The following PIBF1 variants were observed in gnomAD, a reference collection of about 807,000 sequenced individuals.
PIBF1 encodes the protein progesterone immunomodulatory binding factor 1.
A neutral mutation model predicts 112.5 loss-of-function variants in PIBF1; 90 were observed. The observed-to-expected ratio is 0.80, with a 90% CI of 0.67 to 0.95. PIBF1 has a LOEUF of 0.95. PIBF1 is among the 40% of genes least tolerant of loss of function. PIBF1 has a pLI of 0.00. For missense variants in PIBF1, 915 were observed against 852.3 expected, an observed-to-expected ratio of 1.07 and a Z score of -0.92; for synonymous variants, 301 against 288.6, an observed-to-expected ratio of 1.04 and a Z score of -0.44.
chr13:72,882,523 T>G (rs1467265394), intron 10 of PIBF1, among the ~76,000 whole-genome samples: 1 of 152,152 alleles, frequency 6.6e-6, no homozygotes, highest in Non-Finnish European at 1.5e-5. Flanking sequence ...GAGAAAAGAT[T>G]TGCGAACAAT....
At chr13:72,968,176 T>C (rs1190709006) in intron 15 of PIBF1, among the ~76,000 whole-genome samples, 1 of 151,862 alleles carries the variant, frequency 6.6e-6, no homozygotes, top group Non-Finnish European at 1.5e-5. Flanking sequence ...AGAGCCAGAC[T>C]CCGTCTCCAA....
intron 8 of PIBF1, among the ~76,000 whole-genome samples, chr13:72,831,514 C>T (rs11840575): frequency 0.31 from 47,459 of 151,992 alleles, 8,995 homozygotes; most frequent in African/African-American, 0.54. Context: ...GCCTTCATTT[C>T]GTTGTTTACC....
chr13:72,991,758 G>T (rs187558683), intron 16 of PIBF1, among the ~76,000 whole-genome samples: 1 of 148,708 alleles, frequency 6.7e-6, no homozygotes, highest in Non-Finnish European at 1.5e-5. Flanking sequence ...TCGCTCTGTC[G>T]CCCAGGCTGG....
intron 14 of PIBF1, among the ~76,000 whole-genome samples, chr13:72,944,052 A>G (rs1303310900): frequency 6.6e-6 from 1 of 152,222 alleles, no homozygotes; most frequent in Non-Finnish European, 1.5e-5. Flanking sequence ...CTTGCTGGCC[A>G]TAATATTAAT....
rs1274303197 is a variant in PIBF1, at chr13:72,811,730, A to C, written c.673-10119A>C. ...CATACACTATTACGTTACAACTTGG[A>C]CTTACTAAAATCCCTCTCTTGCCTA... is the stretch of plus-strand genomic sequence containing the variant. On this transcript the variant is annotated intron_variant, in intron 5 of 17. Transcript: ENST00000326291. Among the ~76,000 whole-genome samples the C allele has an allele frequency of 2.6e-5, 4 of 152,272 alleles. No homozygotes were observed. The East Asian group carries it at 7.7e-4, about 29-fold the overall frequency.
At chr13:72,880,386 C>T (rs2039575871) in intron 10 of PIBF1, among the ~76,000 whole-genome samples, 1 of 152,180 alleles carries the variant, frequency 6.6e-6, no homozygotes, top group African/African-American at 2.4e-5. Flanking sequence ...CATACAAAGT[C>T]ACCTGTTATT....
At chr13:72,792,612 C>A (rs978141217) in intron 3 of PIBF1, 65 bp downstream of exon 3, 4 of 800,012 alleles carry the variant, frequency 5.0e-6, no homozygotes, top group African/African-American at 3.6e-5. Flanking sequence ...ATTTTATTGC[C>A]TGTTCATGTT....
intron 9 of PIBF1, among the ~76,000 whole-genome samples, chr13:72,839,952 G>T (rs2037533096): frequency 6.6e-6 from 1 of 152,120 alleles, no homozygotes; most frequent in African/African-American, 2.4e-5. Flanking sequence ...TGGGATTGGG[G>T]CTGCCCTGTG....
chr13:72,823,745 G>A (rs1410182188), intron 6 of PIBF1, among the ~76,000 whole-genome samples: 2 of 152,142 alleles, frequency 1.3e-5, no homozygotes, highest in South Asian at 2.1e-4. Flanking sequence ...AGATCTGAAT[G>A]TATCACTTTT....
chr13:72,915,253 C>T (rs73218772), intron 12 of PIBF1, among the ~76,000 whole-genome samples: 4,399 of 152,168 alleles, frequency 0.029, 93 homozygotes, highest in Middle Eastern at 0.048. Flanking sequence ...CTCTCCTATT[C>T]CTTCACTGAA....
At chr13:72,867,999 C>A (rs1331598552) in intron 10 of PIBF1, among the ~76,000 whole-genome samples, 2 of 65,976 alleles carry the variant, frequency 3.0e-5, no homozygotes, top group African/African-American at 1.5e-4. Flanking sequence ...GGCAGATGCA[C>A]AAAATAATAA....
chr13:72,887,288 G>C (rs2039896316), intron 10 of PIBF1, among the ~76,000 whole-genome samples: 1 of 151,796 alleles, frequency 6.6e-6, no homozygotes, highest in African/African-American at 2.4e-5. Flanking sequence ...TTAATAACAT[G>C]AAAGGAAAGT....
At chr13:72,956,772 A>G (rs1304636923) in intron 14 of PIBF1, among the ~76,000 whole-genome samples, 2 of 152,198 alleles carry the variant, frequency 1.3e-5, no homozygotes, top group Non-Finnish European at 1.5e-5. Flanking sequence ...CATTAGACGA[A>G]GTCTAGAATC....
chr13:72,851,092 T>C (rs1056841928), intron 9 of PIBF1, among the ~76,000 whole-genome samples: 1 of 152,200 alleles, frequency 6.6e-6, no homozygotes, highest in African/African-American at 2.4e-5. Context: ...GAGCAGCTGT[T>C]GTAAAGATGC....
intron 12 of PIBF1, among the ~76,000 whole-genome samples, chr13:72,911,975 A>G (rs1460241194): frequency 1.3e-5 from 2 of 151,748 alleles, no homozygotes; most frequent in Non-Finnish European, 2.9e-5. Context: ...AAAAAGAGAA[A>G]GAGAGAAGGA....
In PIBF1 at chr13:72,783,651, A is replaced by G. The variant is rs201402128; in HGVS notation, c.182A>G (p.Gln61Arg). ...IERKELLHNI[Q>R]LLKIELSQKT... Reference sequence around the variant, plus strand: ...CGAAAAGAACTACTTCATAATATTCAGTTACTAAAAATTGAGCTATCCCAG... The same window carrying G: ...CGAAAAGAACTACTTCATAATATTCGGTTACTAAAAATTGAGCTATCCCAG... Residue 61 changes from glutamine (Q) to arginine (R), a missense_variant, in exon 2 of 18, where the codon CAG (glutamine) becomes CGG (arginine). Physicochemically the swap from Gln to Arg is conservative, Grantham distance 43. Transcript: ENST00000326291. The G allele has an allele frequency of 3.1e-6, 5 of 1,613,854 alleles. No individual in the cohort carries two copies. Among genetic ancestry groups the G allele is most frequent in the Non-Finnish European group, 4.2e-6 (5 of 1,179,738 alleles).
chr13:72,875,735 C>A (rs1051682204), intron 10 of PIBF1, among the ~76,000 whole-genome samples: 1 of 152,118 alleles, frequency 6.6e-6, no homozygotes, highest in Non-Finnish European at 1.5e-5. Context: ...ATCACTGTAT[C>A]TTCTTTGGTG....
chr13:72,918,100 C>G (rs926724777), intron 13 of PIBF1, among the ~76,000 whole-genome samples: 10 of 152,290 alleles, frequency 6.6e-5, no homozygotes, highest in African/African-American at 2.2e-4. Context: ...GAAAATTTAT[C>G]CTGCTTTGCA....
At chr13:72,964,457 A>G (rs2138908815) in intron 14 of PIBF1, among the ~76,000 whole-genome samples, 1 of 152,348 alleles carries the variant, frequency 6.6e-6, no homozygotes, top group East Asian at 1.9e-4. Flanking sequence ...TGAATTGTAC[A>G]CTTTTCACAT....
Sources: gnomAD v4.1 joint callset for allele counts (sites outside exome capture counted in the v4.1 genomes callset) on GRCh38, gnomAD v4.1.1 for gene constraint, MANE v1.5 for transcripts, NCBI Gene and HGNC (gene_info 2026-07-23, HGNC 2026-07-21) for gene names.